The following SHANK1 variants were observed in gnomAD, a reference collection of about 807,000 sequenced individuals.
SHANK1 encodes the protein SH3 and multiple ankyrin repeat domains 1, also known as SH3 and multiple ankyrin repeat domains protein 1.
SHANK1 carries 35 observed loss-of-function variants against 165.6 expected under a neutral mutation model. That is an observed-to-expected ratio of 0.21 (90% CI 0.16 to 0.28). SHANK1 has a LOEUF of 0.28. Among genes scored for constraint, SHANK1 ranks in the 10% least tolerant of loss-of-function variants. The probability of loss-of-function intolerance (pLI) is 1.00; values close to 1 mark genes in which losing one functional copy is unlikely to be tolerated. For missense variants in SHANK1, 2,681 were observed against 3,036.4 expected (o/e 0.88, Z 2.75); for synonymous variants, 1,428 against 1,384.8 (o/e 1.03, Z -0.69).
rs1280037863 is a variant in SHANK1 at position 50,662,469 on chromosome 19, C to G, written c.5982G>C (p.Leu1994=). The change falls in exon 24 of 24, where the codon CTG becomes CTC. Residue 1994 remains leucine, a synonymous_variant. Coordinates refer to ENST00000293441, the MANE Select transcript of SHANK1 (RefSeq NM_016148.5). This position sits in a 1 kb window ranked among gnomAD's most constrained non-coding sequence, Gnocchi z 7.7. ...GCGAGGGGCTGGGGGCCCGGCGGAG[C>G]AGAGGGGGCCGCATCTCGAACTCCA... ...QGVEFEMRPP[L]LRRAPSPSLL... The G allele has an allele frequency of 1.3e-6, 2 of 1,550,884 alleles. No homozygotes were observed. Among genetic ancestry groups the G allele is most frequent in the Non-Finnish European group, 1.7e-6 (2 of 1,148,026 alleles).
intron 8 of SHANK1, among the ~76,000 whole-genome samples, chr19:50,710,609 C>T (rs373266345): frequency 1.9e-4 from 29 of 152,300 alleles, no homozygotes; most frequent in African/African-American, 4.1e-4. Flanking sequence ...CTGCCTGCTC[C>T]GTACCTCTCC....
In SHANK1 at chr19:50,668,647, C is replaced by A. The variant is rs1401963303; in HGVS notation, c.3313G>T (p.Gly1105Cys). ...AMYVPARSGR[G>C]RKGPLVKQTK... is the part of the protein sequence containing the mutation. ...TGCTTGACCAGCGGGCCCTTGCGGC[C>A]GCGGCCCGAGCGGGCGGGCACGTAC... The change falls in exon 23 of 24, where the codon GGC becomes TGC. Residue 1105 changes from glycine to cysteine, a missense_variant. By Grantham distance (159) the Gly-to-Cys change is radical (BLOSUM62 -3). Transcript: ENST00000293441. 5.9e-6 allele frequency: 8 copies of A among 1,364,624 alleles called. No homozygotes were observed. The highest frequency in any genetic ancestry group is 7.6e-6 in the Non-Finnish European group (8 of 1,057,718). The allele number at this position is 1,364,624 out of a possible 1,614,324, so 84.5% of individuals were successfully genotyped here. A position where few individuals can be genotyped will look rare whatever the true frequency, so the allele number is the denominator to read the frequency against.
chr19:50,701,650 G>C (rs542405518), intron 12 of SHANK1, among the ~76,000 whole-genome samples: 1 of 152,288 alleles, frequency 6.6e-6, no homozygotes, highest in Admixed American at 6.5e-5. Context: ...GCTAGGAAGT[G>C]GTGGGGTCTG....
In SHANK1 at chr19:50,668,161, C is replaced by T. The variant is rs996160109; in HGVS notation, c.3799G>A (p.Gly1267Ser). 2.1e-6 allele frequency: 3 copies of T among 1,462,020 alleles called. No homozygotes were observed. Among genetic ancestry groups the T allele is most frequent in the South Asian group, 1.3e-5 (1 of 74,732 alleles). 90.6% of individuals were successfully genotyped at this position (1,462,020 alleles called of 1,614,324 possible). The change falls in exon 23 of 24, where the codon GGC (glycine) becomes AGC (serine). Residue 1267 changes from glycine (G) to serine (S), a missense_variant. Physicochemically the swap from Gly to Ser is moderately conservative, Grantham distance 56. Around this residue, in one of 10 missense-constraint regions of SHANK1, gnomAD observed 1,713 missense variants for 1,630.2 expected, o/e 1.05. Transcript: ENST00000293441. The stretch of plus-strand genomic sequence containing the variant: ...CCTGTGCCCAGCCCGCCGTCCCCGC[C>T]GTCCTCGTCCCCCGCGTCGGTGGAC... The part of the protein sequence containing the change: ...FLSTDAGDED[G>S]GDGGLGTGAA...
chr19:50,683,549 C>T (rs906117580), intron 21 of SHANK1, among the ~76,000 whole-genome samples: 4 of 152,114 alleles, frequency 2.6e-5, no homozygotes, highest in East Asian at 1.9e-4. Context: ...ACGGCCTTCT[C>T]GCACTTAGGA....
In SHANK1 at chr19:50,662,604, C is replaced by T. The variant is rs1599835315; in HGVS notation, c.5847G>A (p.Leu1949=). The T allele has an allele frequency of 1.3e-6, 2 of 1,564,360 alleles. No homozygotes were observed. The highest frequency in any genetic ancestry group is 2.3e-5 in the South Asian group (2 of 85,166). ...CCCCTGTTCCGGTGGGGAGTGGCGG[C>T]AGAGGTGGTTTGGGCCAGTTCTGAA... ...SLFQNWPKPP[L]PPLPTGTGVS... Residue 1949 remains leucine (L), a synonymous_variant, in exon 24 of 24, where the codon CTG becomes CTA. Transcript: ENST00000293441. The surrounding 1 kb of genome is among the most constrained non-coding windows in gnomAD (Gnocchi z 7.7).
chr19:50,660,393 G>A lies in SHANK1; in HGVS notation c.*1572C>T, dbSNP rs113113870. On this transcript the variant is annotated 3_prime_UTR_variant, in exon 24 of 24. Transcript: ENST00000293441. ...GGGTGAGGGCTGGAGGCAGGGAGAG[G>A]CTCGAGTGTGGAAGCATGGTGAGCA... Among the ~76,000 whole-genome samples, 1,279 of 152,156 alleles carry A rather than the reference G, an allele frequency of 8.4e-3. 15 individuals carry two copies. The highest frequency in any genetic ancestry group is 0.029 in the African/African-American group (1,198 of 41,506).
Position 50,668,269 on chromosome 19 carries a change from G to C in SHANK1, c.3691C>G (p.Gln1231Glu), listed in dbSNP as rs1985637677. Reference protein sequence around the residue: ...SGPATLDFTSQFGAALVGAAR... With the variant: ...SGPATLDFTSEFGAALVGAAR... ...GCCCCCACCAGGGCGGCCCCGAACTGGCTCGTGAAGTCCAGCGTGGCCGGG... is the reference window on the plus strand; with the variant it reads ...GCCCCCACCAGGGCGGCCCCGAACTCGCTCGTGAAGTCCAGCGTGGCCGGG... The change falls in exon 23 of 24, where the codon CAG (glutamine) becomes GAG (glutamate). Residue 1231 changes from glutamine (Q) to glutamate (E), a missense_variant. Physicochemically the swap from Gln to Glu is conservative, Grantham distance 29. Coordinates refer to ENST00000293441, the MANE Select transcript of SHANK1 (RefSeq NM_016148.5). 1 of 1,394,760 alleles carries C rather than the reference G, an allele frequency of 7.2e-7. No individual in the cohort carries two copies. Among genetic ancestry groups the C allele is most frequent in the African/African-American group, 1.5e-5 (1 of 66,312 alleles). 86.4% of individuals were successfully genotyped at this position (1,394,760 alleles called of 1,614,324 possible).
chr19:50,712,720 G>T (rs568727016), intron 6 of SHANK1, among the ~76,000 whole-genome samples: 58 of 152,326 alleles, frequency 3.8e-4, no homozygotes, highest in African/African-American at 1.2e-3. Context: ...CTCGTGTGAG[G>T]ACAGCCTGTA....
chr19:50,695,217 G>T (rs1177627633), intron 15 of SHANK1, among the ~76,000 whole-genome samples: 4 of 141,620 alleles, frequency 2.8e-5, no homozygotes, highest in African/African-American at 1.0e-4. Flanking sequence ...CCCCTCCCGC[G>T]GGAGGGAGGG....
intron 21 of SHANK1, among the ~76,000 whole-genome samples, chr19:50,674,344 A>G (rs760591435): frequency 4.6e-5 from 7 of 151,946 alleles, no homozygotes; most frequent in Non-Finnish European, 1.0e-4. Context: ...TCCCTTCTCC[A>G]TCTTTGAGAC....
intron 15 of SHANK1, among the ~76,000 whole-genome samples, chr19:50,694,980 C>T (rs1303385953): frequency 6.7e-6 from 1 of 149,042 alleles, no homozygotes; most frequent in Non-Finnish European, 1.5e-5. Context: ...GCGGCTGCGG[C>T]AGGGAGCTCC....
At chr19:50,708,138 G>A (rs967663946) in intron 8 of SHANK1, among the ~76,000 whole-genome samples, 30 of 151,780 alleles carry the variant, frequency 2.0e-4, no homozygotes, top group African/African-American at 7.0e-4. Flanking sequence ...GTAGAGACAG[G>A]GTTTCACCAT....
intron 8 of SHANK1, among the ~76,000 whole-genome samples, chr19:50,705,167 C>G (rs2088922826): frequency 6.6e-6 from 1 of 150,402 alleles, no homozygotes; most frequent in Non-Finnish European, 1.5e-5. Flanking sequence ...ATGGTGAAAC[C>G]CCGTCTCTAT....
chr19:50,696,685 T>C (rs749497285), intron 15 of SHANK1, among the ~76,000 whole-genome samples: 5 of 151,890 alleles, frequency 3.3e-5, no homozygotes, highest in Non-Finnish European at 7.4e-5. Flanking sequence ...CAGACGCACA[T>C]GCATGCACAC....
In SHANK1 at chr19:50,686,926, A is replaced by G. The variant is rs1599854103; in HGVS notation, c.2390-114T>C. 7 of 1,254,568 alleles carry G rather than the reference A, an allele frequency of 5.6e-6. No individual in the cohort carries two copies. The highest frequency in any genetic ancestry group is 7.4e-6 in the Non-Finnish European group (7 of 940,660). The allele number at this position is 1,254,568 out of a possible 1,614,324, so 77.7% of individuals were successfully genotyped here. On this transcript the variant is annotated intron_variant, in intron 19 of 23. Coordinates refer to ENST00000293441, the MANE Select transcript of SHANK1 (RefSeq NM_016148.5). The surrounding 1 kb of genome is among the most constrained non-coding windows in gnomAD (Gnocchi z 5.7). Reference sequence around the variant, plus strand: ...GGCCAGTGGGCGTGGCGGGCGCGAGAGGGGCAGTGAGGGGCCGGGGTCAGG... The same window carrying G: ...GGCCAGTGGGCGTGGCGGGCGCGAGGGGGGCAGTGAGGGGCCGGGGTCAGG...
At chr19:50,689,472 G>A (rs532095320) in intron 15 of SHANK1, 193 bp from the exon 16 acceptor site, 56 of 695,744 alleles carry the variant, frequency 8.0e-5, no homozygotes, top group South Asian at 6.7e-4. Flanking sequence ...CCTCAGAGCC[G>A]GCATGCTCTC....
At chr19:50,711,123 A>G (rs971476193) in intron 8 of SHANK1, 2 of 508,586 alleles carry the variant, frequency 3.9e-6, no homozygotes, top group Non-Finnish European at 7.1e-6. Context: ...CATGAGCTCA[A>G]CACTTTGTCC....
At position 50,668,733 on chromosome 19, in the gene SHANK1, G is replaced by A. The variant is rs1985669664; in HGVS notation, c.3227C>T (p.Ser1076Phe). Residue 1076 changes from serine to phenylalanine, a missense_variant, in exon 23 of 24, where the codon TCC (serine) becomes TTC (phenylalanine). Transcript: ENST00000293441. ...HHGSAGGGGG[S>F]SQGPALRYFQ... ...ATAGCGTAGAGCCGGGCCCTGGGAG[G>A]AGCCGCCGCCCCCGCCCGCGCTGCC... 3.1e-6 allele frequency: 4 copies of A among 1,277,552 alleles called. No homozygotes were observed. Among genetic ancestry groups the A allele is most frequent in the South Asian group, 5.8e-5 (2 of 34,774 alleles). The allele number at this position is 1,277,552 out of a possible 1,614,324, so 79.1% of individuals were successfully genotyped here. A position where few individuals can be genotyped will look rare whatever the true frequency, so the allele number is the denominator to read the frequency against.
Sources: allele counts gnomAD v4.1 joint callset (sites outside exome capture counted in the v4.1 genomes callset), GRCh38; gene constraint gnomAD v4.1.1; regional missense constraint gnomAD v4.1.1; non-coding constraint Gnocchi (gnomAD v3.1); transcripts MANE v1.5; gene names NCBI Gene and HGNC (gene_info 2026-07-23, HGNC 2026-07-21).